TRPM1: variants seen among roughly 807,000 people sequenced by gnomAD.
The protein encoded by TRPM1 is TRPM1-203 APA Isoform, Intron 10.
Under a neutral mutation model 149.4 loss-of-function variants are expected in TRPM1, and 113 were observed. The observed-to-expected ratio is 0.76, with a 90% CI of 0.65 to 0.88. The LOEUF (loss-of-function observed/expected upper bound fraction) is 0.88. Among genes scored for constraint, TRPM1 ranks in the 40% least tolerant of loss-of-function variants. The pLI is 0.00. For missense variants in TRPM1, 1,976 were observed against 2,038.7 expected, an observed-to-expected ratio of 0.97 and a Z score of 0.59; for synonymous variants, 741 against 759.5, an observed-to-expected ratio of 0.98 and a Z score of 0.40.
At chr15:31,142,615 T>G (rs978472078) in intron 1 of TRPM1, among the ~76,000 whole-genome samples, 3 of 152,210 alleles carry the variant, frequency 2.0e-5, no homozygotes, top group African/African-American at 7.2e-5. Context: ...TCTGGCTAAA[T>G]GAATGACTAT....
At chr15:31,086,658 C>T (rs1209629244) in intron 1 of TRPM1, among the ~76,000 whole-genome samples, 1 of 152,166 alleles carries the variant, frequency 6.6e-6, no homozygotes, top group Non-Finnish European at 1.5e-5. Flanking sequence ...TCCCCTTGGG[C>T]CCTGCTCCTA....
chr15:31,049,738 T>C (rs2033893819), intron 12 of TRPM1, among the ~76,000 whole-genome samples: 1 of 152,232 alleles, frequency 6.6e-6, no homozygotes, highest in Non-Finnish European at 1.5e-5. Flanking sequence ...TGTTTCCTTT[T>C]AAAAATAGAT....
intron 27 of TRPM1, 112 bp from the exon 28 acceptor site, chr15:31,003,182 G>T: frequency 1.1e-6 from 1 of 932,134 alleles, no homozygotes; most frequent in Non-Finnish European, 1.6e-6. Flanking sequence ...ATATGGAACT[G>T]TTTGAGTATA....
Position 31,062,492 on chromosome 15 carries a change from C to G in TRPM1, c.1089+87G>C, listed in dbSNP as rs2034259035. On this transcript the variant is annotated intron_variant, in intron 9 of 27. Transcript: ENST00000256552. Reference sequence around the variant, plus strand: ...AAAGGCCGGACTAAAATATGAATAACCCTGTCATGCACACATGGGCGGAAT... The same window carrying G: ...AAAGGCCGGACTAAAATATGAATAAGCCTGTCATGCACACATGGGCGGAAT... The G allele has an allele frequency of 2.6e-6, 4 of 1,541,652 alleles. No homozygotes were observed. The Admixed American group carries it at 6.8e-5, about 26-fold the overall frequency.
At chr15:31,061,361 G>A in intron 10 of TRPM1, 81 bp downstream of exon 10, 1 of 1,397,348 alleles carries the variant, frequency 7.2e-7, no homozygotes, top group Non-Finnish European at 1.0e-6. Flanking sequence ...AGCAGACATA[G>A]TCCATGGGAG....
rs1015489901 is a variant in TRPM1 at position 31,158,593 on chromosome 15, C to T, written c.54+2313G>A. Among the ~76,000 whole-genome samples, 3 of 143,682 alleles carry T rather than the reference C, an allele frequency of 2.1e-5. No homozygotes were observed. In the East Asian group the frequency reaches 6.2e-4, roughly 30 times the overall value. The allele number at this position is 143,682 out of a possible 152,430, so 94.3% of individuals were successfully genotyped here. A position where few individuals can be genotyped will look rare whatever the true frequency, so the allele number is the denominator to read the frequency against. On this transcript the variant is annotated intron_variant, in intron 1 of 26. Transcript: ENST00000542188. ...AGTGAACTGAGATCGCGCCACTGCACTCCAGCCTGGGCGACAGAGTGAGAC... is the reference window on the plus strand; with the variant it reads ...AGTGAACTGAGATCGCGCCACTGCATTCCAGCCTGGGCGACAGAGTGAGAC...
intron 1 of TRPM1, among the ~76,000 whole-genome samples, chr15:31,082,786 A>G (rs2034896442): frequency 6.6e-6 from 1 of 152,172 alleles, no homozygotes; most frequent in South Asian, 2.1e-4. Flanking sequence ...GCACGTTGTC[A>G]TGTTATTCTC....
chr15:31,105,933 G>A (rs1049370404), upstream of TRPM1, among the ~76,000 whole-genome samples: 5 of 152,304 alleles, frequency 3.3e-5, no homozygotes, highest in Admixed American at 6.5e-5. Flanking sequence ...CAGATTTCCA[G>A]TAAGATTCAC....
intron 3 of TRPM1, among the ~76,000 whole-genome samples, chr15:31,072,384 T>C (rs2034582177): frequency 6.6e-6 from 1 of 152,158 alleles, no homozygotes; most frequent in African/African-American, 2.4e-5. Flanking sequence ...AATAATATTC[T>C]CGTATGAATG....
intron 27 of TRPM1, among the ~76,000 whole-genome samples, chr15:31,019,375 C>T (rs2032476804): frequency 6.6e-6 from 1 of 152,166 alleles, no homozygotes; most frequent in Non-Finnish European, 1.5e-5. Context: ...GAAGACTAAT[C>T]ATAAAAGAAC....
At chr15:31,052,894 G>A (rs929577671) in intron 11 of TRPM1, among the ~76,000 whole-genome samples, 4 of 152,018 alleles carry the variant, frequency 2.6e-5, no homozygotes, top group Admixed American at 2.0e-4. Context: ...AGGCACAAAC[G>A]GAAAAATTAT....
intron 1 of TRPM1, among the ~76,000 whole-genome samples, chr15:31,156,292 G>A (rs1162317823): frequency 6.6e-6 from 1 of 151,510 alleles, no homozygotes; most frequent in Non-Finnish European, 1.5e-5. Flanking sequence ...ATCTTTTGTG[G>A]GGGAAAATTT....
At chr15:31,033,451 T>G (rs1309566309) in intron 21 of TRPM1, among the ~76,000 whole-genome samples, 3 of 152,336 alleles carry the variant, frequency 2.0e-5, no homozygotes, top group Admixed American at 2.0e-4. Context: ...ATATTATCCT[T>G]TCAAAATCAC....
intron 1 of TRPM1, among the ~76,000 whole-genome samples, chr15:31,159,326 A>C (rs916804954): frequency 1.3e-5 from 2 of 152,176 alleles, no homozygotes; most frequent in Admixed American, 1.3e-4. Context: ...AGGTGACATC[A>C]AATTCAAGAA....
At chr15:31,035,739 C>CT in intron 20 of TRPM1, 65 bp from the exon 21 acceptor site, 1 of 1,610,824 alleles carries the variant, frequency 6.2e-7, no homozygotes, top group East Asian at 2.2e-5. Flanking sequence ...TTTTGAAACG[C>CT]TGTTTTCTTT....
At chr15:31,136,823 T>C (rs1004400867) in intron 1 of TRPM1, among the ~76,000 whole-genome samples, 1 of 150,998 alleles carries the variant, frequency 6.6e-6, no homozygotes, top group Non-Finnish European at 1.5e-5. Context: ...TTTTATGGAA[T>C]AAAGTATTGC....
chr15:31,132,846 A>G (rs997500684), intron 1 of TRPM1, among the ~76,000 whole-genome samples: 1 of 152,190 alleles, frequency 6.6e-6, no homozygotes, highest in African/African-American at 2.4e-5. Context: ...TATAAAGGGC[A>G]GTTCCCCTGC....
chr15:31,009,599 G>C (rs2032111004), intron 27 of TRPM1, among the ~76,000 whole-genome samples: 1 of 151,972 alleles, frequency 6.6e-6, no homozygotes, highest in Non-Finnish European at 1.5e-5. Flanking sequence ...GATCAAACTT[G>C]GGAGGTTTTC....
chr15:31,083,601 C>T (rs538122689), intron 1 of TRPM1, among the ~76,000 whole-genome samples: 6 of 152,326 alleles, frequency 3.9e-5, no homozygotes, highest in Middle Eastern at 3.4e-3. Context: ...AAGCACAAGC[C>T]GCCCAGCCTT....
Sources: allele counts gnomAD v4.1 joint callset (sites outside exome capture counted in the v4.1 genomes callset), GRCh38; gene constraint gnomAD v4.1.1; transcripts MANE v1.5; gene names NCBI Gene and HGNC (gene_info 2026-07-23, HGNC 2026-07-21).